Variants in PCNX2 observed in about 807,000 individuals in gnomAD.
PCNX2 encodes pecanex-like protein 2.
Under a neutral mutation model 223.8 loss-of-function variants are expected in PCNX2, and 168 were observed. That is an observed-to-expected ratio of 0.75 (90% confidence interval 0.66 to 0.85). The LOEUF is 0.85. PCNX2 is among the 40% of genes least tolerant of loss of function. The pLI, the probability that PCNX2 is intolerant of heterozygous loss-of-function variation, is 0.00. For missense variants in PCNX2, 2,507 were observed against 2,675.5 expected (o/e 0.94, Z 1.39); for synonymous variants, 1,006 against 1,052.6 (o/e 0.96, Z 0.86).
In PCNX2 at chr1:232,991,276, G is replaced by A. The variant is rs977970204; in HGVS notation, c.5792-4736C>T. ...GCCTGGGAGAGGGACACTGGGGACA[G>A]AGGAGGCAGCAGCTGAGGGGGCCCT... On this transcript the variant is annotated intron_variant, in intron 32 of 33. Coordinates refer to ENST00000258229, the MANE Select transcript of PCNX2 (RefSeq NM_014801.4). This position sits in a 1 kb window ranked among gnomAD's most constrained non-coding sequence, Gnocchi z 4.3. 1.3e-5 allele frequency among the ~76,000 whole-genome samples: 2 copies of A among 152,166 alleles called. No homozygotes were observed. The highest frequency in any genetic ancestry group is 2.9e-5 in the Non-Finnish European group (2 of 68,020).
At chr1:233,204,596 TTAAG>T (rs1412654270) in intron 13 of PCNX2, among the ~76,000 whole-genome samples, 9 of 152,236 alleles carry the variant, frequency 5.9e-5, no homozygotes, top group African/African-American at 1.9e-4. Context: ...AGAAATGACT[TTAAG>T]TAGCCCTTGT....
intron 15 of PCNX2, among the ~76,000 whole-genome samples, chr1:233,187,240 A>T (rs957949835): frequency 1.3e-5 from 2 of 152,238 alleles, no homozygotes; most frequent in Non-Finnish European, 2.9e-5. Flanking sequence ...ACAGGCTTTT[A>T]CTAGTTATTG....
chr1:233,053,092 G>C (rs984291540), intron 25 of PCNX2, among the ~76,000 whole-genome samples: 2 of 151,978 alleles, frequency 1.3e-5, no homozygotes, highest in Non-Finnish European at 2.9e-5. Context: ...TTAAAGTGTA[G>C]AGAGGGTCAA....
chr1:233,288,819 T>C lies in PCNX2; in HGVS notation c.153+6507A>G. Reference sequence around the variant, plus strand: ...GAAAGATGCCCTTTTTTTTTTTTTTTTTTTTTTACTGTGAATATATATTTT... The same window carrying C: ...GAAAGATGCCCTTTTTTTTTTTTTTCTTTTTTTACTGTGAATATATATTTT... On this transcript the variant is annotated intron_variant, in intron 1 of 33. Coordinates refer to ENST00000258229, the MANE Select transcript of PCNX2 (RefSeq NM_014801.4). The C allele has an allele frequency of 4.0e-6, 3 of 752,884 alleles. 1 individual carries two copies. Among genetic ancestry groups the C allele is most frequent in the South Asian group, 2.0e-5 (1 of 50,768 alleles). 46.6% of individuals were successfully genotyped at this position (752,884 alleles called of 1,614,324 possible). A position where few individuals can be genotyped will look rare whatever the true frequency, so the allele number is the denominator to read the frequency against.
the PCNX2 span, among the ~76,000 whole-genome samples, chr1:233,301,895 G>T: frequency 6.5e-3 from 972 of 150,192 alleles, 13 homozygotes; most frequent in Middle Eastern, 0.031. Flanking sequence ...GGGTTCAAGT[G>T]ATTCTCATGC....
intron 21 of PCNX2, among the ~76,000 whole-genome samples, chr1:233,117,987 G>A (rs1394403602): frequency 2.0e-5 from 3 of 149,098 alleles, no homozygotes. Context: ...TCCAGCCTGG[G>A]CGACAGAGCG....
rs57458756 is a variant in PCNX2, at chr1:233,233,424, CTGTGTGTGTGTGTGTGTGTG to C, written c.2358+3401_2358+3420del. On this transcript the variant is annotated intron_variant, in intron 9 of 33. Transcript: ENST00000258229. ...CAATGAAAAATAACCTCCTCTTCTC[CTGTGTGTGTGTGTGTGTGTG>C]TGTGTGTGTGTGTGTGTGTGTGTGT... 2.1e-4 allele frequency among the ~76,000 whole-genome samples: 29 copies of C among 140,342 alleles called. No homozygotes were observed. In the South Asian group the frequency reaches 4.0e-3, roughly 20 times the overall value. 92.1% of individuals were successfully genotyped at this position (140,342 alleles called of 152,430 possible).
chr1:233,101,300 G>A (rs1309894202), intron 21 of PCNX2, among the ~76,000 whole-genome samples: 1 of 152,216 alleles, frequency 6.6e-6, no homozygotes, highest in Non-Finnish European at 1.5e-5. Flanking sequence ...ATTTCTGGGG[G>A]AGGGGAAGCA....
chr1:233,195,668 A>T (rs947642181), intron 15 of PCNX2, among the ~76,000 whole-genome samples: 1 of 152,240 alleles, frequency 6.6e-6, no homozygotes, highest in Non-Finnish European at 1.5e-5. Flanking sequence ...ACAATTGAAA[A>T]TTTAAATTAT....
chr1:233,292,786 C>G (rs1661846254), intron 1 of PCNX2, among the ~76,000 whole-genome samples: 1 of 151,896 alleles, frequency 6.6e-6, no homozygotes, highest in South Asian at 2.1e-4. Context: ...AAGACCAAAG[C>G]AAGAAAAAAA....
chr1:233,044,599 G>GT (rs990833908), intron 25 of PCNX2, among the ~76,000 whole-genome samples: 11 of 86,194 alleles, frequency 1.3e-4, no homozygotes, highest in Non-Finnish European at 1.1e-4. Flanking sequence ...CAAGAAAATA[G>GT]TTTATTTCTA....
intron 25 of PCNX2, chr1:233,033,062 A>G: frequency 2.0e-6 from 2 of 985,424 alleles, no homozygotes; most frequent in Non-Finnish European, 2.4e-6. Flanking sequence ...CTGAAGGTCA[A>G]CCCGCCCACA....
intron 24 of PCNX2, among the ~76,000 whole-genome samples, chr1:233,056,395 GC>G (rs755837941): frequency 1.4e-4 from 21 of 152,310 alleles, no homozygotes; most frequent in Non-Finnish European, 2.4e-4. Flanking sequence ...AAATGAGACA[GC>G]AACTATGATT....
At chr1:233,236,087 C>T (rs1658393625) in intron 9 of PCNX2, among the ~76,000 whole-genome samples, 1 of 149,836 alleles carries the variant, frequency 6.7e-6, no homozygotes, top group Admixed American at 6.7e-5. Flanking sequence ...CACATGACAT[C>T]ATACCATCTA....
At chr1:232,995,823 G>A (rs1343153385) in intron 32 of PCNX2, among the ~76,000 whole-genome samples, 1 of 152,140 alleles carries the variant, frequency 6.6e-6, no homozygotes, top group Non-Finnish European at 1.5e-5. Context: ...TCCAGGCAAG[G>A]CCAGTTCCAG....
At chr1:233,053,078 T>A (rs926898892) in intron 25 of PCNX2, among the ~76,000 whole-genome samples, 2 of 151,962 alleles carry the variant, frequency 1.3e-5, no homozygotes, top group African/African-American at 2.4e-5. Flanking sequence ...ACCAGACCAA[T>A]CTCTTAAAGT....
intron 1 of PCNX2, among the ~76,000 whole-genome samples, chr1:233,271,253 T>A (rs986023837): frequency 6.6e-6 from 1 of 152,140 alleles, no homozygotes; most frequent in Non-Finnish European, 1.5e-5. Flanking sequence ...CTATTTAAAA[T>A]TAAAAATGAA....
At chr1:233,129,369 C>A (rs1010052171) in intron 21 of PCNX2, among the ~76,000 whole-genome samples, 1 of 152,318 alleles carries the variant, frequency 6.6e-6, no homozygotes, top group South Asian at 2.1e-4. Context: ...ACCTGCAGCC[C>A]GCCATGCCTA....
At chr1:233,116,544 A>C (rs927391666) in intron 21 of PCNX2, among the ~76,000 whole-genome samples, 10 of 152,322 alleles carry the variant, frequency 6.6e-5, no homozygotes, top group Middle Eastern at 3.4e-3. Context: ...CATACTTCTA[A>C]ATAATCCATG....
Sources: gnomAD v4.1 joint callset for allele counts (sites outside exome capture counted in the v4.1 genomes callset) on GRCh38, gnomAD v4.1.1 for gene constraint, Gnocchi (gnomAD v3.1) non-coding constraint, MANE v1.5 for transcripts, NCBI Gene and HGNC (gene_info 2026-07-23, HGNC 2026-07-21) for gene names.